Variants in CALN1 observed in about 807,000 individuals in gnomAD.
CALN1 encodes the protein calcium-binding protein 8.
CALN1 carries 17 observed loss-of-function variants against 30.6 expected under a neutral mutation model. The observed-to-expected ratio is 0.56, with a 90% CI of 0.38 to 0.83. CALN1 has a LOEUF of 0.83. CALN1 is among the 40% of genes least tolerant of loss of function. The probability of loss-of-function intolerance (pLI) is 0.00; values close to 1 mark genes in which losing one functional copy is unlikely to be tolerated. For synonymous variants in CALN1, 156 were observed against 131.4 expected (o/e 1.19, Z -1.28); for missense variants, 291 against 354.9 (o/e 0.82, Z 1.45).
chr7:71,917,989 G>A (rs1794763045), intron 5 of CALN1, among the ~76,000 whole-genome samples: 1 of 152,044 alleles, frequency 6.6e-6, no homozygotes, highest in African/African-American at 2.4e-5. Flanking sequence ...ATGTGTTTAG[G>A]GTCGATGGCA....
intron 3 of CALN1, among the ~76,000 whole-genome samples, chr7:72,251,304 C>T (rs1373534809): frequency 9.9e-5 from 15 of 152,134 alleles, no homozygotes; most frequent in Admixed American, 9.8e-4. Flanking sequence ...TACTATCTAT[C>T]CCAATTGTTT....
At chr7:71,796,213 T>G (rs1200733142) in intron 6 of CALN1, among the ~76,000 whole-genome samples, 2 of 152,130 alleles carry the variant, frequency 1.3e-5, no homozygotes, top group African/African-American at 2.4e-5. Context: ...AACGTTTGGG[T>G]TCCTTCCACC....
chr7:71,982,645 GA>G (rs1477910558), intron 5 of CALN1, among the ~76,000 whole-genome samples: 2 of 152,080 alleles, frequency 1.3e-5, no homozygotes, highest in African/African-American at 4.8e-5. Flanking sequence ...TAAATTAACA[GA>G]AATACAATTT....
intron 1 of CALN1, among the ~76,000 whole-genome samples, chr7:72,438,309 A>G (rs1808238974): frequency 1.3e-5 from 2 of 150,466 alleles, no homozygotes; most frequent in Admixed American, 6.6e-5. Flanking sequence ...TTTTGTAGAG[A>G]TGGAGTCTCA....
chr7:72,403,660 T>C (rs1806504876), intron 1 of CALN1, among the ~76,000 whole-genome samples: 1 of 152,224 alleles, frequency 6.6e-6, no homozygotes, highest in Non-Finnish European at 1.5e-5. Flanking sequence ...AACAAGCCAA[T>C]AATGGGCTTT....
the CALN1 span, among the ~76,000 whole-genome samples, chr7:72,457,805 C>CA: frequency 9.4e-5 from 14 of 149,510 alleles, no homozygotes; most frequent in Non-Finnish European, 1.9e-4. Context: ...ACCCAGGCTG[C>CA]AGTGCAGAGG....
chr7:72,488,397 G>A, the CALN1 span, among the ~76,000 whole-genome samples: 3 of 151,922 alleles, frequency 2.0e-5, no homozygotes, highest in Admixed American at 2.0e-4. Flanking sequence ...ATAAAAATAA[G>A]AATAAGTTTT....
At chr7:72,278,547 T>A in intron 3 of CALN1, 139 bp downstream of exon 3, 1 of 1,108,192 alleles carries the variant, frequency 9.0e-7, no homozygotes, top group Non-Finnish European at 1.3e-6. Flanking sequence ...TCTGAACTCT[T>A]TCCCATTATG....
chr7:71,971,953 A>AAAGAAAGAAAGAAAG (rs1797838934), intron 5 of CALN1, among the ~76,000 whole-genome samples: 1 of 72,838 alleles, frequency 1.4e-5, no homozygotes, highest in South Asian at 7.1e-4. Flanking sequence ...AAAAAAAAAA[A>AAAGAAAGAAAGAAAG]AAAGAAAGAA....
chr7:72,200,005 A>G (rs1317155830), intron 3 of CALN1, among the ~76,000 whole-genome samples: 1 of 152,126 alleles, frequency 6.6e-6, no homozygotes, highest in Non-Finnish European at 1.5e-5. Flanking sequence ...GACCTCTACT[A>G]TGCCCCCTTC....
chr7:72,032,826 C>A (rs913457651), intron 4 of CALN1, among the ~76,000 whole-genome samples: 1 of 152,028 alleles, frequency 6.6e-6, no homozygotes, highest in African/African-American at 2.4e-5. Context: ...TCTGAAGTCT[C>A]TTCCACCAGA....
intron 2 of CALN1, among the ~76,000 whole-genome samples, chr7:72,345,086 A>C (rs1802568566): frequency 6.7e-6 from 1 of 148,706 alleles, no homozygotes; most frequent in Non-Finnish European, 1.5e-5. Context: ...ATGTATAATT[A>C]TACATGTTAT....
chr7:72,383,922 A>G (rs182854754), intron 2 of CALN1, among the ~76,000 whole-genome samples: 84 of 152,306 alleles, frequency 5.5e-4, no homozygotes, highest in African/African-American at 1.9e-3. Context: ...ATAGGGATAC[A>G]TGTTGACCCA....
the CALN1 span, among the ~76,000 whole-genome samples, chr7:72,499,980 T>C: frequency 1.3e-5 from 2 of 151,218 alleles, no homozygotes; most frequent in Non-Finnish European, 2.9e-5. Flanking sequence ...GGCACGATCT[T>C]GGCTCACTAC....
intron 5 of CALN1, among the ~76,000 whole-genome samples, chr7:71,922,854 TAC>T (rs2129518300): frequency 7.3e-6 from 1 of 137,664 alleles, no homozygotes; most frequent in African/African-American, 2.7e-5. Flanking sequence ...ATATATAATA[TAC>T]ACAATGTATA....
At chr7:72,288,292 C>A (rs1798236541) in intron 2 of CALN1, among the ~76,000 whole-genome samples, 1 of 152,148 alleles carries the variant, frequency 6.6e-6, no homozygotes, top group South Asian at 2.1e-4. Flanking sequence ...CATAAAAGGT[C>A]TCACTTTCTT....
chr7:71,985,674 C>T (rs909985963), intron 5 of CALN1, among the ~76,000 whole-genome samples: 1 of 150,658 alleles, frequency 6.6e-6, no homozygotes, highest in Non-Finnish European at 1.5e-5. Flanking sequence ...ACTGTAACCC[C>T]TGCCTCCCAG....
chr7:72,203,079 C>G (rs1791553691), intron 3 of CALN1, among the ~76,000 whole-genome samples: 1 of 152,120 alleles, frequency 6.6e-6, no homozygotes, highest in East Asian at 1.9e-4. Flanking sequence ...AGCCAACTAA[C>G]ACAGGAACAG....
chr7:72,430,580 C>T (rs981065163), intron 1 of CALN1, among the ~76,000 whole-genome samples: 2 of 152,144 alleles, frequency 1.3e-5, no homozygotes, highest in Non-Finnish European at 2.9e-5. Flanking sequence ...ATATTCCCCT[C>T]AAGGGGCTTC....
Sources: allele counts gnomAD v4.1 joint callset (sites outside exome capture counted in the v4.1 genomes callset), GRCh38; gene constraint gnomAD v4.1.1; transcripts MANE v1.5; gene names NCBI Gene and HGNC (gene_info 2026-07-23, HGNC 2026-07-21).